The following EGR3 variants were observed in gnomAD, a reference collection of about 807,000 sequenced individuals.
The protein encoded by EGR3 is early growth response 3.
EGR3 carries 4 observed loss-of-function variants against 22.4 expected under a neutral mutation model. That is an observed-to-expected ratio of 0.18 (90% CI 0.09 to 0.41). The LOEUF is 0.41. Ranked by LOEUF, EGR3 falls within the 10% of genes least tolerant of loss-of-function variation. The pLI is 1.00. For missense variants in EGR3, 315 were observed against 541.3 expected, an observed-to-expected ratio of 0.58 and a Z score of 4.15; for synonymous variants, 219 against 226.8, an observed-to-expected ratio of 0.97 and a Z score of 0.31.
chr8:22,692,585 G>A lies in EGR3; in HGVS notation c.154+206C>T. 2.8e-6 allele frequency: 4 copies of A among 1,442,142 alleles called. No homozygotes were observed. The highest frequency in any genetic ancestry group is 3.6e-6 in the Non-Finnish European group (4 of 1,099,300). 89.3% of individuals were successfully genotyped at this position (1,442,142 alleles called of 1,614,324 possible). A position where few individuals can be genotyped will look rare whatever the true frequency, so the allele number is the denominator to read the frequency against. ...AACCTAGCCTTCTCGATCGAGGAGG[G>A]CGGGAGGAGTGGGTGGGAAAAGCAA... On this transcript the variant is annotated intron_variant, in intron 1 of 1. Transcript: ENST00000317216. This position sits in a 1 kb window ranked among gnomAD's most constrained non-coding sequence, Gnocchi z 6.2.
At position 22,692,355 on chromosome 8, in the gene EGR3, C is replaced by G. The variant is rs1319308066; in HGVS notation, c.154+436G>C. 6.7e-7 allele frequency: 1 copy of G among 1,498,228 alleles called. No individual in the cohort carries two copies. The highest frequency in any genetic ancestry group is 1.4e-5 in the African/African-American group (1 of 71,060). 92.8% of individuals were successfully genotyped at this position (1,498,228 alleles called of 1,614,324 possible). A position where few individuals can be genotyped will look rare whatever the true frequency, so the allele number is the denominator to read the frequency against. On this transcript the variant is annotated intron_variant, in intron 1 of 1. Coordinates refer to ENST00000317216, the MANE Select transcript of EGR3 (RefSeq NM_004430.3). This position sits in a 1 kb window ranked among gnomAD's most constrained non-coding sequence, Gnocchi z 6.2. Reference sequence around the variant, plus strand: ...ACATGGCTCCATCCCGGGTGGGAGGCTGAGGGAGTAAGGGGGGAGAGCGCG... The same window carrying G: ...ACATGGCTCCATCCCGGGTGGGAGGGTGAGGGAGTAAGGGGGGAGAGCGCG...
rs781670314 is a variant in EGR3 at position 22,690,662 on chromosome 8, G to A, written c.975C>T (p.Arg325=). 7 of 1,614,008 alleles carry A rather than the reference G, an allele frequency of 4.3e-6. No homozygotes were observed. The highest frequency in any genetic ancestry group is 5.9e-6 in the Non-Finnish European group (7 of 1,179,972). ...SRSDHLTTHI[R]THTGEKPFAC... is the part of the protein sequence containing the mutation. ...CAAAGGGCTTCTCGCCCGTATGAGT[G>A]CGGATGTGAGTGGTGAGGTGGTCGC... The change falls in exon 2 of 2, where the codon CGC becomes CGT. Residue 325 remains arginine, a synonymous_variant. Transcript: ENST00000317216.
rs1371802346 is a variant in EGR3 at position 22,690,701 on chromosome 8, C to G, written c.936G>C (p.Arg312=). 4 of 1,614,016 alleles carry G rather than the reference C, an allele frequency of 2.5e-6. No individual in the cohort carries two copies. Among genetic ancestry groups the G allele is most frequent in the Non-Finnish European group, 2.5e-6 (3 of 1,179,906 alleles). Residue 312 remains arginine, a synonymous_variant, in exon 2 of 2, where the codon CGG becomes CGC. Coordinates refer to ENST00000317216, the MANE Select transcript of EGR3 (RefSeq NM_004430.3). ...TGAGGTGGTCGCTGCGGCTGAAGCT[C>G]CGCATGCAGATCCGGCACTGGAAGG... ...HKPFQCRICM[R]SFSRSDHLTT... is the part of the protein sequence containing the mutation.
intron 1 of EGR3, chr8:22,691,822 A>C (rs1452768752): frequency 5.1e-6 from 5 of 985,222 alleles, no homozygotes; most frequent in African/African-American, 1.7e-5. Context: ...AGCTACAGGT[A>C]GTTTCAGACC....
chr8:22,693,051 G>A lies in EGR3; in HGVS notation c.-107C>T. 2.4e-6 allele frequency: 3 copies of A among 1,229,664 alleles called. No homozygotes were observed. The highest frequency in any genetic ancestry group is 2.6e-5 in the South Asian group (2 of 77,032). 76.2% of individuals were successfully genotyped at this position (1,229,664 alleles called of 1,614,324 possible). On this transcript the variant is annotated 5_prime_UTR_variant, in exon 1 of 2. Coordinates refer to ENST00000317216, the MANE Select transcript of EGR3 (RefSeq NM_004430.3). ...TCCGAGAGGCGATCCGTGGTGCAGG[G>A]GAAAAGCATGCGAGAGGGAAAGTTC...
At position 22,692,005 on chromosome 8, in the gene EGR3, G is replaced by T; in HGVS notation, c.155-523C>A. ...CTTTGTCCTCGGAGCGTAGAAGGGTGTCGCCCTCAAAGGGAGCTCTCCCTT... is the reference window on the plus strand; with the variant it reads ...CTTTGTCCTCGGAGCGTAGAAGGGTTTCGCCCTCAAAGGGAGCTCTCCCTT... On this transcript the variant is annotated intron_variant, in intron 1 of 1. Transcript: ENST00000317216. The surrounding 1 kb of genome is among the most constrained non-coding windows in gnomAD (Gnocchi z 6.2). 7.7e-7 allele frequency: 1 copy of T among 1,294,766 alleles called. No individual in the cohort carries two copies. The highest frequency in any genetic ancestry group is 9.8e-7 in the Non-Finnish European group (1 of 1,021,476). 80.2% of individuals were successfully genotyped at this position (1,294,766 alleles called of 1,614,324 possible).
In EGR3 at chr8:22,692,974, A is replaced by ACCG; in HGVS notation, c.-33_-31dup. The ACCG allele has an allele frequency of 6.5e-7, 1 of 1,543,654 alleles. No individual in the cohort carries two copies. The highest frequency in any genetic ancestry group is 8.7e-7 in the Non-Finnish European group (1 of 1,148,676). On this transcript the variant is annotated 5_prime_UTR_variant, in exon 1 of 2. Coordinates refer to ENST00000317216, the MANE Select transcript of EGR3 (RefSeq NM_004430.3). The surrounding 1 kb of genome is among the most constrained non-coding windows in gnomAD (Gnocchi z 6.2). ...CTCCCGAGCTGCCGCCGCCGCCGCC[A>ACCG]CCGCCGCCACCGCCGCCGCTCGCTC...
intron 1 of EGR3, 80 bp from the exon 2 acceptor site, chr8:22,691,562 G>C (rs1202714036): frequency 6.5e-7 from 1 of 1,537,494 alleles, no homozygotes; most frequent in Admixed American, 1.8e-5. Context: ...TCCTTGCCCA[G>C]GTGCGGAGGG....
In EGR3 at chr8:22,691,279, G is replaced by A. The variant is rs752241262; in HGVS notation, c.358C>T (p.Leu120Phe). 1 of 1,614,020 alleles carries A rather than the reference G, an allele frequency of 6.2e-7. No homozygotes were observed. The highest frequency in any genetic ancestry group is 1.1e-5 in the South Asian group (1 of 91,086). ...ILGVPPASGA[L>F]STQTSTASMV... The stretch of plus-strand genomic sequence containing the variant: ...CTGGCCGTGGACGTCTGCGTGCTGA[G>A]CGCCCCTGAAGCCGGGGGCACCCCC... The change falls in exon 2 of 2, where the codon CTC (leucine) becomes TTC (phenylalanine). Residue 120 changes from leucine (L) to phenylalanine (F), a missense_variant. Physicochemically the swap from Leu to Phe is conservative, Grantham distance 22. Coordinates refer to ENST00000317216, the MANE Select transcript of EGR3 (RefSeq NM_004430.3).
chr8:22,691,748 A>G (rs1302940659), intron 1 of EGR3: 3 of 985,310 alleles, frequency 3.0e-6, no homozygotes, highest in Non-Finnish European at 3.6e-6. Flanking sequence ...CGTACCACAC[A>G]CACACGCGCG....
At position 22,691,031 on chromosome 8, in the gene EGR3, G is replaced by T. The variant is rs1189646684; in HGVS notation, c.606C>A (p.Asp202Glu). The T allele has an allele frequency of 6.2e-7, 1 of 1,601,360 alleles. No homozygotes were observed. Among genetic ancestry groups the T allele is most frequent in the South Asian group, 1.1e-5 (1 of 89,488 alleles). The change falls in exon 2 of 2, where the codon GAC (aspartate) becomes GAA (glutamate). Residue 202 changes from aspartate (D) to glutamate (E), a missense_variant. This residue lies in a region of EGR3 where 227 missense variants were observed against 303.6 expected (regional missense o/e 0.75). Transcript: ENST00000317216. ...GCTTGTGCTCCGGAATGGAGCCCAT[G>T]TCGTTGGGGTGGTGGTAGAGGTTGT... ...PDYNLYHHPN[D>E]MGSIPEHKPF... is the part of the protein sequence containing the mutation.
rs147637858 is a variant in EGR3 at position 22,690,368 on chromosome 8, G to T, written c.*105C>A. 422 of 935,510 alleles carry T rather than the reference G, an allele frequency of 4.5e-4. 4 individuals carry two copies. The East Asian group carries it at 0.01, about 22-fold the overall frequency. The allele number at this position is 935,510 out of a possible 1,614,324, so 58.0% of individuals were successfully genotyped here. Reference sequence around the variant, plus strand: ...CAAGGGGCCGCACGTCCATGGAGAGGCCAGGGCGCGGCCCCTACGCCTCCG... The same window carrying T: ...CAAGGGGCCGCACGTCCATGGAGAGTCCAGGGCGCGGCCCCTACGCCTCCG... On this transcript the variant is annotated 3_prime_UTR_variant, in exon 2 of 2. Transcript: ENST00000317216.
At position 22,689,644 on chromosome 8, in the gene EGR3, A is replaced by T. The variant is rs1803876644; in HGVS notation, c.*829T>A. On this transcript the variant is annotated 3_prime_UTR_variant, in exon 2 of 2. Coordinates refer to ENST00000317216, the MANE Select transcript of EGR3 (RefSeq NM_004430.3). ...GCTGCTCTTTCTCCCCACAGATCAAACTGCCCTGAGGCCTAAGAGGGAAGC... is the reference window on the plus strand; with the variant it reads ...GCTGCTCTTTCTCCCCACAGATCAATCTGCCCTGAGGCCTAAGAGGGAAGC... 6.6e-6 allele frequency: 1 copy of T among 152,616 alleles called. No homozygotes were observed. The highest frequency in any genetic ancestry group is 2.4e-5 in the African/African-American group (1 of 41,462). 9.5% of individuals were successfully genotyped at this position (152,616 alleles called of 1,614,324 possible).
Position 22,690,923 on chromosome 8 carries a change from C to T in EGR3, c.714G>A (p.Gln238=), listed in dbSNP as rs757502840. 5 of 1,569,520 alleles carry T rather than the reference C, an allele frequency of 3.2e-6. No individual in the cohort carries two copies. In the Admixed American group the frequency reaches 5.3e-5, roughly 17 times the overall value. The change falls in exon 2 of 2, where the codon CAG becomes CAA. Residue 238 remains glutamine, a synonymous_variant. Coordinates refer to ENST00000317216, the MANE Select transcript of EGR3 (RefSeq NM_004430.3). Reference sequence around the variant, plus strand: ...GCAGGCTGCCAAAGCCCGGGTGGATCTGCTTGTCTTTGAATGCCTTGATGG... The same window carrying T: ...GCAGGCTGCCAAAGCCCGGGTGGATTTGCTTGTCTTTGAATGCCTTGATGG... The part of the protein sequence containing the change: ...LETIKAFKDK[Q]IHPGFGSLPQ...
Position 22,692,213 on chromosome 8 carries a change from C to T in EGR3, c.154+578G>A. The T allele has an allele frequency of 1.4e-6, 2 of 1,424,140 alleles. No individual in the cohort carries two copies. The highest frequency in any genetic ancestry group is 1.8e-6 in the Non-Finnish European group (2 of 1,095,338). The allele number at this position is 1,424,140 out of a possible 1,614,324, so 88.2% of individuals were successfully genotyped here. The stretch of plus-strand genomic sequence containing the variant: ...GGGATCGTTCCCCGTGGCAGGCCCT[C>T]GCCCCGCGGGTGAACCCCCTCCTTC... On this transcript the variant is annotated intron_variant, in intron 1 of 1. Coordinates refer to ENST00000317216, the MANE Select transcript of EGR3 (RefSeq NM_004430.3). The surrounding 1 kb of genome is among the most constrained non-coding windows in gnomAD (Gnocchi z 6.2).
Position 22,691,143 on chromosome 8 carries a change from C to T in EGR3, c.494G>A (p.Gly165Asp), listed in dbSNP as rs773024571. 6.2e-7 allele frequency: 1 copy of T among 1,614,036 alleles called. No homozygotes were observed. Among genetic ancestry groups the T allele is most frequent in the Non-Finnish European group, 8.5e-7 (1 of 1,180,012 alleles). ...GGGGGAATAGGCGAGCCCGGGATTG[C>T]CCTGGGGGTCGTGGAAAGACACGGG... is the stretch of plus-strand genomic sequence containing the variant. ...SEPVSFHDPQGNPGLAYSPQD... is the reference protein window; with the variant it reads ...SEPVSFHDPQDNPGLAYSPQD... Residue 165 changes from glycine (G) to aspartate (D), a missense_variant, in exon 2 of 2, where the codon GGC becomes GAC. Around this residue, in one of 4 missense-constraint regions of EGR3, gnomAD observed 227 missense variants for 303.6 expected, o/e 0.75. Transcript: ENST00000317216.
chr8:22,692,806 T>G lies in EGR3; in HGVS notation c.139A>C (p.Asn47His). The change falls in exon 1 of 2, where the codon AAT (asparagine) becomes CAT (histidine). Residue 47 changes from asparagine (N) to histidine (H), a missense_variant. Asn to His is a moderately conservative substitution (Grantham distance 68). This residue lies in a region of EGR3 where 227 missense variants were observed against 303.6 expected (regional missense o/e 0.75). Coordinates refer to ENST00000317216, the MANE Select transcript of EGR3 (RefSeq NM_004430.3). This position sits in a 1 kb window ranked among gnomAD's most constrained non-coding sequence, Gnocchi z 6.2. ...CCGCCCTTACCTGTAGCCATCTGAT[T>G]GTAATGGACTACCGAGTCGCTGCTG... ...SGSSDSVVHYNQMATENVMDI... is the reference protein window; with the variant it reads ...SGSSDSVVHYHQMATENVMDI... 6.2e-7 allele frequency: 1 copy of G among 1,612,474 alleles called. No homozygotes were observed. Among genetic ancestry groups the G allele is most frequent in the Non-Finnish European group, 8.5e-7 (1 of 1,179,402 alleles).
intron 1 of EGR3, chr8:22,691,958 G>T: frequency 8.0e-7 from 1 of 1,245,000 alleles, no homozygotes; most frequent in Non-Finnish European, 1.0e-6. Flanking sequence ...CTCCCGGGTC[G>T]CCGACCCAGA....
Position 22,692,690 on chromosome 8 carries a change from C to T in EGR3, c.154+101G>A. The T allele has an allele frequency of 6.8e-7, 1 of 1,465,092 alleles. No individual in the cohort carries two copies. The highest frequency in any genetic ancestry group is 2.0e-4 in the Middle Eastern group (1 of 5,104). 90.8% of individuals were successfully genotyped at this position (1,465,092 alleles called of 1,614,324 possible). ...CCACCCATCCACCCATCCATCCATC[C>T]ATCCATCCATCCATCCATCCATCCA... On this transcript the variant is annotated intron_variant, in intron 1 of 1. Coordinates refer to ENST00000317216, the MANE Select transcript of EGR3 (RefSeq NM_004430.3). This position sits in a 1 kb window ranked among gnomAD's most constrained non-coding sequence, Gnocchi z 6.2.
Sources: gnomAD v4.1 joint callset for allele counts on GRCh38, gnomAD v4.1.1 for gene constraint, gnomAD v4.1.1 regional missense constraint, Gnocchi (gnomAD v3.1) non-coding constraint, MANE v1.5 for transcripts, NCBI Gene and HGNC (gene_info 2026-07-23, HGNC 2026-07-21) for gene names.